The following TOX4 variants were observed in gnomAD, a reference collection of about 807,000 sequenced individuals.
TOX4 encodes TOX high mobility group box family member 4.
A neutral mutation model predicts 61.0 loss-of-function variants in TOX4; 12 were observed. The ratio of observed to expected loss-of-function variants is 0.20; its 90% CI spans 0.13 to 0.32. TOX4 has a LOEUF of 0.32. Among genes scored for constraint, TOX4 ranks in the 10% least tolerant of loss-of-function variants. TOX4 has a pLI of 1.00. For missense variants in TOX4, 499 were observed against 753.3 expected, an observed-to-expected ratio of 0.66 and a Z score of 3.95; for synonymous variants, 268 against 274.8, an observed-to-expected ratio of 0.98 and a Z score of 0.24.
chr14:21,477,347 C>G, intron 1 of TOX4, 63 bp downstream of exon 1: 2 of 1,613,690 alleles, frequency 1.2e-6, no homozygotes, highest in Non-Finnish European at 8.5e-7. Flanking sequence ...GAAGCAGGGA[C>G]GGGAAGCCGG....
intron 2 of TOX4, among the ~76,000 whole-genome samples, chr14:21,481,892 T>G (rs1891113825): frequency 6.6e-6 from 1 of 152,130 alleles, no homozygotes; most frequent in African/African-American, 2.4e-5. Flanking sequence ...ATCAAAATAG[T>G]GATACCAGTT....
chr14:21,481,086 G>A (rs1360702995), intron 2 of TOX4, among the ~76,000 whole-genome samples: 4 of 152,046 alleles, frequency 2.6e-5, no homozygotes, highest in Non-Finnish European at 4.4e-5. Context: ...GAGAAACTCC[G>A]TCTCAAAAAA....
intron 2 of TOX4, among the ~76,000 whole-genome samples, chr14:21,478,920 C>A (rs1891060034): frequency 2.0e-5 from 3 of 151,732 alleles, no homozygotes; most frequent in South Asian, 4.2e-4. Flanking sequence ...TCTCCTGCCT[C>A]AACCTCCCAA....
chr14:21,481,770 A>G (rs954328547), intron 2 of TOX4, among the ~76,000 whole-genome samples: 3 of 152,252 alleles, frequency 2.0e-5, no homozygotes, highest in Non-Finnish European at 2.9e-5. Context: ...TATAAATGCA[A>G]TTGGATAATC....
chr14:21,493,391 A>C, intron 7 of TOX4, 134 bp downstream of exon 7: 1 of 870,776 alleles, frequency 1.1e-6, no homozygotes, highest in Non-Finnish European at 1.6e-6. Context: ...TGCAGATGGG[A>C]GTTCCTTGCA....
At chr14:21,491,369 T>C (rs1256232391) in intron 5 of TOX4, among the ~76,000 whole-genome samples, 2 of 152,016 alleles carry the variant, frequency 1.3e-5, no homozygotes, top group African/African-American at 4.8e-5. Flanking sequence ...TTTATTTATT[T>C]ATTTTTTTGA....
intron 4 of TOX4, 103 bp downstream of exon 4, chr14:21,488,953 C>T: frequency 1.3e-6 from 2 of 1,499,842 alleles, no homozygotes; most frequent in Non-Finnish European, 1.8e-6. Flanking sequence ...CGTGCCATCT[C>T]CTCTGCTGTT....
At chr14:21,489,544 G>A (rs1891249177) in intron 5 of TOX4, 141 bp downstream of exon 5, 25 of 793,336 alleles carry the variant, frequency 3.2e-5, no homozygotes, top group Non-Finnish European at 4.9e-5. Context: ...CCTTGTCTTC[G>A]AAGTTGCAGC....
chr14:21,492,919 T>G lies in TOX4; in HGVS notation c.1303T>G (p.Ser435Ala), dbSNP rs763704956. The G allele has an allele frequency of 1.1e-5, 17 of 1,608,462 alleles. No homozygotes were observed. The South Asian group carries it at 1.7e-4, about 16-fold the overall frequency. The change falls in exon 7 of 9, where the codon TCT becomes GCT. Residue 435 changes from serine to alanine, a missense_variant. By Grantham distance (99) the Ser-to-Ala change is moderately conservative. Coordinates refer to ENST00000448790, the MANE Select transcript of TOX4 (RefSeq NM_014828.4). ...QAAAAAAAAASMQLPPPRLQP... is the reference protein window; with the variant it reads ...QAAAAAAAAAAMQLPPPRLQP... The stretch of plus-strand genomic sequence containing the variant: ...AGCAGCAGCTGCTGCTGCTGCTGCT[T>G]CTATGCAACTGCCTCCACCCCGACT...
Position 21,488,659 on chromosome 14 carries a change from G to A in TOX4, c.388G>A (p.Asp130Asn). Residue 130 changes from aspartate (D) to asparagine (N), a missense_variant, in exon 4 of 9, where the codon GAC becomes AAC. Asp to Asn is a conservative substitution (Grantham distance 23). This residue lies in a region of TOX4 where 90 missense variants were observed against 109.5 expected (regional missense o/e 0.82). Transcript: ENST00000448790. ...TGTTACAATTGATGTACCAATGACA[G>A]ACATGACATCTGGCTTGATGGGGCA... Reference protein sequence around the residue: ...PPVTIDVPMTDMTSGLMGHSQ... With the variant: ...PPVTIDVPMTNMTSGLMGHSQ... The A allele has an allele frequency of 1.9e-6, 3 of 1,614,168 alleles. No homozygotes were observed. Among genetic ancestry groups the A allele is most frequent in the Non-Finnish European group, 2.5e-6 (3 of 1,180,026 alleles).
rs780595774 is a variant in TOX4, at chr14:21,487,483, A to G, written c.108A>G (p.Glu36=). The change falls in exon 3 of 9, where the codon GAA becomes GAG. Residue 36 remains glutamate (E), a synonymous_variant. Coordinates refer to ENST00000448790, the MANE Select transcript of TOX4 (RefSeq NM_014828.4). The part of the protein sequence containing the change: ...TFHTPSLGDE[E]FEIPPISLDS... ...ATACACCAAGCTTGGGTGATGAGGA[A>G]TTTGAAATCCCACCTATCTCCTTGG... is the stretch of plus-strand genomic sequence containing the variant. The G allele has an allele frequency of 1.2e-6, 2 of 1,613,876 alleles. No homozygotes were observed. Among genetic ancestry groups the G allele is most frequent in the Admixed American group, 3.3e-5 (2 of 59,984 alleles).
intron 5 of TOX4, among the ~76,000 whole-genome samples, chr14:21,491,205 A>T (rs1454569776): frequency 6.6e-6 from 1 of 152,130 alleles, no homozygotes; most frequent in Non-Finnish European, 1.5e-5. Flanking sequence ...AGGAGGGGGA[A>T]ATAGGCTTCA....
At chr14:21,486,918 ACT>A (rs1417217166) in intron 2 of TOX4, among the ~76,000 whole-genome samples, 6 of 152,132 alleles carry the variant, frequency 3.9e-5, no homozygotes, top group African/African-American at 9.7e-5. Context: ...GAAGTAGGAA[ACT>A]CTGCAAATAT....
At chr14:21,491,687 AAG>A (rs1478780535) in intron 5 of TOX4, among the ~76,000 whole-genome samples, 2 of 149,138 alleles carry the variant, frequency 1.3e-5, no homozygotes, top group African/African-American at 4.9e-5. Context: ...TTTGTTACAG[AAG>A]TGAGCATGGG....
chr14:21,486,754 G>C (rs867799047), intron 2 of TOX4, among the ~76,000 whole-genome samples: 8 of 152,172 alleles, frequency 5.3e-5, no homozygotes, highest in Non-Finnish European at 1.0e-4. Context: ...AAGAGATTGG[G>C]TCTTTAGCCA....
At chr14:21,477,693 A>T in intron 2 of TOX4, 129 bp downstream of exon 2, 1 of 1,036,176 alleles carries the variant, frequency 9.7e-7, no homozygotes, top group East Asian at 2.5e-5. Context: ...GTTTAGAGAA[A>T]AGTGGCGGTT....
chr14:21,487,699 G>A lies in TOX4; in HGVS notation c.318+6G>A, dbSNP rs1891211882. 4 of 1,605,622 alleles carry A rather than the reference G, an allele frequency of 2.5e-6. No homozygotes were observed. Among genetic ancestry groups the A allele is most frequent in the Non-Finnish European group, 2.6e-6 (3 of 1,173,572 alleles). On this transcript the variant is annotated splice_donor_region_variant and intron_variant, in intron 3 of 8. Transcript: ENST00000448790. Reference sequence around the variant, plus strand: ...TGAGTGGGGGCTTGACCATGGTAAGGGGCAAGACATTGTCAGGCTTACCCC... The same window carrying A: ...TGAGTGGGGGCTTGACCATGGTAAGAGGCAAGACATTGTCAGGCTTACCCC...
chr14:21,494,316 A>G (rs1891354347), intron 7 of TOX4, among the ~76,000 whole-genome samples: 1 of 152,218 alleles, frequency 6.6e-6, no homozygotes, highest in African/African-American at 2.4e-5. Context: ...TAAAACAGAC[A>G]TAAATATGGC....
At chr14:21,491,652 C>T (rs1203199761) in intron 5 of TOX4, among the ~76,000 whole-genome samples, 7 of 151,224 alleles carry the variant, frequency 4.6e-5, no homozygotes, top group African/African-American at 7.3e-5. Context: ...CGTGAGCCAC[C>T]GCACCTGGCA....
Sources: allele counts gnomAD v4.1 joint callset (sites outside exome capture counted in the v4.1 genomes callset), GRCh38; gene constraint gnomAD v4.1.1; regional missense constraint gnomAD v4.1.1; transcripts MANE v1.5; gene names NCBI Gene and HGNC (gene_info 2026-07-23, HGNC 2026-07-21).